WIPF2: variants seen among roughly 807,000 people sequenced by gnomAD.
The protein encoded by WIPF2 is WAS/WASL-interacting protein family member 2.
In WIPF2, 23 loss-of-function variants were observed where a neutral mutation model predicts 38.8. The observed-to-expected ratio is 0.59, with a 90% confidence interval of 0.43 to 0.84. WIPF2 has a LOEUF of 0.84. WIPF2 is among the 40% of genes least tolerant of loss of function. The probability of loss-of-function intolerance (pLI) is 0.00; values close to 1 mark genes in which losing one functional copy is unlikely to be tolerated. For missense variants in WIPF2, 574 were observed against 580.5 expected, an observed-to-expected ratio of 0.99 and a Z score of 0.11; for synonymous variants, 210 against 223.2, an observed-to-expected ratio of 0.94 and a Z score of 0.53.
chr17:40,261,058 G>A (rs893218979), intron 3 of WIPF2, among the ~76,000 whole-genome samples: 2 of 146,460 alleles, frequency 1.4e-5, no homozygotes, highest in African/African-American at 2.5e-5. Flanking sequence ...AAAAAAAAAG[G>A]CTGCCATCTC....
chr17:40,253,096 T>C (rs1384953132), intron 1 of WIPF2, among the ~76,000 whole-genome samples: 14 of 145,096 alleles, frequency 9.6e-5, no homozygotes, highest in Admixed American at 4.9e-4. Context: ...GGAGTCTCAC[T>C]CTGTCACCCA....
At chr17:40,234,876 A>G (rs1288199662) in intron 1 of WIPF2, among the ~76,000 whole-genome samples, 1 of 152,128 alleles carries the variant, frequency 6.6e-6, no homozygotes, top group Non-Finnish European at 1.5e-5. Flanking sequence ...TGGAGAAGCA[A>G]TAATGGCATC....
Position 40,244,187 on chromosome 17 carries a change from C to T in WIPF2, c.-69-12204C>T, listed in dbSNP as rs189347879. Among the ~76,000 whole-genome samples the T allele has an allele frequency of 1.9e-3, 293 of 152,240 alleles. 1 individual carries two copies. The highest frequency in any genetic ancestry group is 6.8e-3 in the African/African-American group (284 of 41,542). ...GAAACCAGAAACACTTTAGTGGAAACCCTCTGTTATAGTCTGTCCTAGAAC... is the reference window on the plus strand; with the variant it reads ...GAAACCAGAAACACTTTAGTGGAAATCCTCTGTTATAGTCTGTCCTAGAAC... On this transcript the variant is annotated intron_variant, in intron 1 of 7. Transcript: ENST00000323571.
chr17:40,230,287 C>G (rs1017731925), intron 1 of WIPF2, among the ~76,000 whole-genome samples: 2 of 152,156 alleles, frequency 1.3e-5, no homozygotes, highest in African/African-American at 4.8e-5. Flanking sequence ...TTGCAGTGAG[C>G]TGTTGCAGCA....
chr17:40,275,370 G>A (rs555422813), intron 6 of WIPF2, among the ~76,000 whole-genome samples: 87 of 152,066 alleles, frequency 5.7e-4, no homozygotes, highest in Non-Finnish European at 1.0e-3. Context: ...TGTAAAATTA[G>A]GTTGACTAGA....
chr17:40,225,877 A>T (rs2030460214), intron 1 of WIPF2, among the ~76,000 whole-genome samples: 1 of 151,942 alleles, frequency 6.6e-6, no homozygotes, highest in African/African-American at 2.4e-5. Context: ...CTGGTCTTGA[A>T]CTTTTGCCGG....
At chr17:40,235,335 C>T (rs1421307012) in intron 1 of WIPF2, among the ~76,000 whole-genome samples, 1 of 152,136 alleles carries the variant, frequency 6.6e-6, no homozygotes, top group African/African-American at 2.4e-5. Flanking sequence ...AAATTTAGCG[C>T]CCAGTATAAT....
intron 1 of WIPF2, among the ~76,000 whole-genome samples, chr17:40,231,315 G>C (rs1288326703): frequency 1.3e-5 from 2 of 152,010 alleles, no homozygotes; most frequent in Non-Finnish European, 2.9e-5. Context: ...GTGAAGTCTG[G>C]ATCAGCATTT....
chr17:40,220,593 A>ATATATATATG (rs2030159637), intron 1 of WIPF2: 1 of 76,998 alleles, frequency 1.3e-5, no homozygotes, highest in South Asian at 3.9e-4. Flanking sequence ...ATATATATAT[A>ATATATATATG]TATATATATA....
rs1255966649 is a variant in WIPF2 at position 40,262,612 on chromosome 17, T to G, written c.284T>G (p.Leu95Arg). 2 of 1,613,936 alleles carry G rather than the reference T, an allele frequency of 1.2e-6. No individual in the cohort carries two copies. The highest frequency in any genetic ancestry group is 2.2e-5 in the East Asian group (1 of 44,862). The change falls in exon 4 of 8, where the codon CTT becomes CGT. Residue 95 changes from leucine (L) to arginine (R), a missense_variant. Transcript: ENST00000323571. ...CTCTTCCAAGGAGGAGTGCTGAAGC[T>G]TCGACCTGTGGGAGCCAAGGATGGT... ...GGLFQGGVLK[L>R]RPVGAKDGSE...
chr17:40,258,620 T>C (rs550565905), intron 2 of WIPF2, among the ~76,000 whole-genome samples: 1 of 151,396 alleles, frequency 6.6e-6, no homozygotes, highest in Non-Finnish European at 1.5e-5. Flanking sequence ...TGTATGGTGA[T>C]GTTGGGGGTA....
intron 2 of WIPF2, among the ~76,000 whole-genome samples, chr17:40,257,443 G>C (rs1022419989): frequency 7.2e-5 from 11 of 152,246 alleles, no homozygotes; most frequent in Non-Finnish European, 1.3e-4. Flanking sequence ...AGGAAAAAAA[G>C]CAATGTGATT....
chr17:40,277,043 A>G (rs2032425254), intron 6 of WIPF2, 40 bp from the exon 7 acceptor site: 1 of 1,538,774 alleles, frequency 6.5e-7, no homozygotes. Context: ...TGGGAGCACA[A>G]GCAAGGATGA....
intron 1 of WIPF2, among the ~76,000 whole-genome samples, chr17:40,244,155 C>A (rs575192076): frequency 6.6e-6 from 1 of 152,226 alleles, no homozygotes; most frequent in African/African-American, 2.4e-5. Context: ...TTTCCTTGTA[C>A]TTTAGAGAAA....
At position 40,260,860 on chromosome 17, in the gene WIPF2, G is replaced by A. The variant is rs773130839; in HGVS notation, c.196+193G>A. On this transcript the variant is annotated intron_variant, in intron 3 of 7. Coordinates refer to ENST00000323571, the MANE Select transcript of WIPF2 (RefSeq NM_133264.5). Reference sequence around the variant, plus strand: ...CTCTTGGAGAGCATCTCAGGATTAAGGTTACCATCTCACCGGGCATGGTGG... The same window carrying A: ...CTCTTGGAGAGCATCTCAGGATTAAAGTTACCATCTCACCGGGCATGGTGG... 7 of 759,848 alleles carry A rather than the reference G, an allele frequency of 9.2e-6. No homozygotes were observed. The South Asian group carries it at 1.1e-4, about 12-fold the overall frequency. 47.1% of individuals were successfully genotyped at this position (759,848 alleles called of 1,614,324 possible).
chr17:40,244,631 T>A (rs984777772), intron 1 of WIPF2, among the ~76,000 whole-genome samples: 2 of 152,180 alleles, frequency 1.3e-5, no homozygotes, highest in Non-Finnish European at 2.9e-5. Context: ...TCTTTGGTTT[T>A]ACAGTGTTGG....
rs141881388 is a variant in WIPF2 at position 40,263,507 on chromosome 17, A to G, written c.313+866A>G. Among the ~76,000 whole-genome samples the G allele has an allele frequency of 3.3e-3, 495 of 151,470 alleles. 5 individuals are homozygous for G. Among genetic ancestry groups the G allele is most frequent in the African/African-American group, 0.011 (471 of 41,156 alleles). On this transcript the variant is annotated intron_variant, in intron 4 of 7. Coordinates refer to ENST00000323571, the MANE Select transcript of WIPF2 (RefSeq NM_133264.5). ...ACTTAATGTATATTTCAAAATTGCT[A>G]AAAGAGTATATTTTATTTTATTTTA...
intron 1 of WIPF2, among the ~76,000 whole-genome samples, chr17:40,228,404 T>C (rs1253708828): frequency 2.6e-5 from 4 of 152,162 alleles, no homozygotes; most frequent in Non-Finnish European, 5.9e-5. Context: ...CAGTTTCCAG[T>C]CTTTTGCTAT....
intron 1 of WIPF2, among the ~76,000 whole-genome samples, chr17:40,224,216 T>TC (rs1251078519): frequency 6.0e-5 from 9 of 149,780 alleles, no homozygotes; most frequent in Non-Finnish European, 8.8e-5. Flanking sequence ...GCTTATTTTT[T>TC]TTTTCTTTTC....
Sources: allele counts gnomAD v4.1 joint callset (sites outside exome capture counted in the v4.1 genomes callset), GRCh38; gene constraint gnomAD v4.1.1; transcripts MANE v1.5; gene names NCBI Gene and HGNC (gene_info 2026-07-23, HGNC 2026-07-21).